The following ZNF493 variants were observed in gnomAD, a reference collection of about 807,000 sequenced individuals.
ZNF493 encodes zinc finger protein 493.
A neutral mutation model predicts 12.2 loss-of-function variants in ZNF493; 11 were observed. The observed-to-expected ratio is 0.90, with a 90% CI of 0.57 to 1.50. ZNF493 has a LOEUF of 1.50. Ranked by LOEUF, ZNF493 falls within the 40% of genes most tolerant of loss-of-function variation. The pLI is 0.00. For synonymous variants in ZNF493, 286 were observed against 302.6 expected, an observed-to-expected ratio of 0.95 and a Z score of 0.57; for missense variants, 950 against 906.6, an observed-to-expected ratio of 1.05 and a Z score of -0.61.
chr19:21,397,683 A>C (rs1974195195), intron 1 of ZNF493: 2 of 427,138 alleles, frequency 4.7e-6, no homozygotes. Context: ...CGTCACTGCA[A>C]AAATATTAAA....
chr19:21,405,872 T>C lies in ZNF493; in HGVS notation c.253+16T>C. 2 of 707,602 alleles carry C rather than the reference T, an allele frequency of 2.8e-6. No individual in the cohort carries two copies. Among genetic ancestry groups the C allele is most frequent in the Non-Finnish European group, 4.0e-6 (2 of 496,014 alleles). The allele number at this position is 707,602 out of a possible 1,614,324, so 43.8% of individuals were successfully genotyped here. ...AAACCCCCAGGTAGGTGAGAGTGAATGAAACAGTTGACATAGATGAAAGGT... is the reference window on the plus strand; with the variant it reads ...AAACCCCCAGGTAGGTGAGAGTGAACGAAACAGTTGACATAGATGAAAGGT... On this transcript the variant is annotated intron_variant, in intron 3 of 3. Transcript: ENST00000392288.
intron 1 of ZNF493, among the ~76,000 whole-genome samples, chr19:21,404,793 T>C (rs2030059043): frequency 6.6e-6 from 1 of 152,192 alleles, no homozygotes. Flanking sequence ...ACTCAACATA[T>C]CTTTTGTCTG....
chr19:21,400,377 T>A lies in ZNF493; in HGVS notation c.30+3110T>A, dbSNP rs202063458. On this transcript the variant is annotated intron_variant, in intron 1 of 3. Coordinates refer to ENST00000392288, the MANE Select transcript of ZNF493 (RefSeq NM_001076678.3). ...GTGAGCCAAGATTGTACCACTGTAC[T>A]CTGGCCTGGTGACAGAGAGAGACTC... Among the ~76,000 whole-genome samples, 31 of 152,216 alleles carry A rather than the reference T, an allele frequency of 2.0e-4. No homozygotes were observed. In the East Asian group the frequency reaches 2.3e-3, roughly 11 times the overall value.
At chr19:21,418,304 A>C (rs186515015) in intron 3 of ZNF493, among the ~76,000 whole-genome samples, 3 of 152,182 alleles carry the variant, frequency 2.0e-5, no homozygotes, top group Non-Finnish European at 2.9e-5. Flanking sequence ...CTGTTACTTC[A>C]TTACACTCTC....
chr19:21,397,293 G>T, intron 1 of ZNF493, 26 bp downstream of exon 1: 3 of 1,614,116 alleles, frequency 1.9e-6, no homozygotes, highest in Non-Finnish European at 1.7e-6. Context: ...CCGACATCAC[G>T]AGAGAGGGGA....
chr19:21,423,200 C>T lies in ZNF493; in HGVS notation c.541C>T (p.Pro181Ser), dbSNP rs1289432049. 17 of 1,613,564 alleles carry T rather than the reference C, an allele frequency of 1.1e-5. No individual in the cohort carries two copies. In the East Asian group the frequency reaches 3.6e-4, roughly 34 times the overall value. The change falls in exon 4 of 4, where the codon CCT (proline) becomes TCT (serine). Residue 181 changes from proline to serine, a missense_variant. Physicochemically the swap from Pro to Ser is moderately conservative, Grantham distance 74. Coordinates refer to ENST00000392288, the MANE Select transcript of ZNF493 (RefSeq NM_001076678.3). ...RHNTKHTGKK[P>S]FKCKKCGKSF... ...TAACACAAAACATACTGGAAAGAAA[C>T]CTTTCAAATGTAAAAAATGTGGCAA...
chr19:21,421,444 C>A (rs2030676125), intron 3 of ZNF493, among the ~76,000 whole-genome samples: 1 of 152,132 alleles, frequency 6.6e-6, no homozygotes, highest in Non-Finnish European at 1.5e-5. Flanking sequence ...CCACCCACCA[C>A]AACTTCCACC....
chr19:21,408,321 G>C (rs1440413410), intron 3 of ZNF493: 1 of 636,598 alleles, frequency 1.6e-6, no homozygotes, highest in African/African-American at 2.0e-5. Context: ...TGGAGACGGG[G>C]TTTCACCATG....
In ZNF493 at chr19:21,423,417, C is replaced by G. The variant is rs1024059692; in HGVS notation, c.758C>G (p.Thr253Ser). 3 of 1,613,628 alleles carry G rather than the reference C, an allele frequency of 1.9e-6. No homozygotes were observed. Among genetic ancestry groups the G allele is most frequent in the Non-Finnish European group, 8.5e-7 (1 of 1,179,812 alleles). The change falls in exon 4 of 4, where the codon ACT (threonine) becomes AGT (serine). Residue 253 changes from threonine (T) to serine (S), a missense_variant. Transcript: ENST00000392288. ...TCTTTTAACCAGGACTCAAACCTTA[C>G]TACACATAAGAGAATTCATACTGGA... ...GKSFNQDSNL[T>S]THKRIHTGQK... is the part of the protein sequence containing the mutation.
intron 3 of ZNF493, 111 bp downstream of exon 3, chr19:21,405,967 T>A: frequency 1.3e-6 from 1 of 777,598 alleles, no homozygotes; most frequent in Non-Finnish European, 1.9e-6. Flanking sequence ...ATGCCTGTAG[T>A]CCCAGGACTT....
In ZNF493 at chr19:21,424,688, A is replaced by T. The variant is rs1365209826; in HGVS notation, c.2029A>T (p.Ile677Leu). 1 of 1,613,666 alleles carries T rather than the reference A, an allele frequency of 6.2e-7. No homozygotes were observed. The highest frequency in any genetic ancestry group is 8.5e-7 in the Non-Finnish European group (1 of 1,179,734). The change falls in exon 4 of 4, where the codon ATA becomes TTA. Residue 677 changes from isoleucine to leucine, a missense_variant. Physicochemically the swap from Ile to Leu is conservative, Grantham distance 5. Coordinates refer to ENST00000392288, the MANE Select transcript of ZNF493 (RefSeq NM_001076678.3). ...SIFSTLTKHK[I>L]IHTEEKPYKC... The stretch of plus-strand genomic sequence containing the variant: ...ATTCTCAACCCTTACTAAACATAAG[A>T]TAATTCATACTGAAGAGAAACCCTA...
chr19:21,408,383 G>A (rs2030207707), intron 3 of ZNF493: 7 of 957,540 alleles, frequency 7.3e-6, no homozygotes, highest in Non-Finnish European at 8.7e-6. Context: ...ACCCGCCTTG[G>A]CCTCCTGGGT....
At chr19:21,419,559 C>A (rs1209434190) in intron 3 of ZNF493, among the ~76,000 whole-genome samples, 1 of 152,088 alleles carries the variant, frequency 6.6e-6, no homozygotes, top group Non-Finnish European at 1.5e-5. Context: ...GCCAATGTAA[C>A]CTTTTCACAT....
At chr19:21,405,918 A>T in intron 3 of ZNF493, 62 bp downstream of exon 3, 1 of 1,278,750 alleles carries the variant, frequency 7.8e-7, no homozygotes, top group Admixed American at 2.5e-5. Flanking sequence ...AAAAAAAAAA[A>T]AAAAAAAAAA....
chr19:21,424,413 T>C lies in ZNF493; in HGVS notation c.1754T>C (p.Phe585Ser), dbSNP rs1158552771. The change falls in exon 4 of 4, where the codon TTC (phenylalanine) becomes TCC (serine). Residue 585 changes from phenylalanine to serine, a missense_variant. Transcript: ENST00000392288. Reference protein sequence around the residue: ...CKECGKSFSVFSTLTKHKIIH... With the variant: ...CKECGKSFSVSSTLTKHKIIH... ...GAATGTGGCAAATCCTTTAGTGTAT[T>C]CTCAACCCTTACTAAACACAAGATA... 6.2e-7 allele frequency: 1 copy of C among 1,608,476 alleles called. No homozygotes were observed. The highest frequency in any genetic ancestry group is 2.2e-5 in the East Asian group (1 of 44,544).
chr19:21,403,317 TC>T (rs1475148532), intron 1 of ZNF493, among the ~76,000 whole-genome samples: 1 of 152,234 alleles, frequency 6.6e-6, no homozygotes, highest in Non-Finnish European at 1.5e-5. Context: ...CAGGAACTGT[TC>T]CGTTTGGTTT....
chr19:21,404,581 G>T (rs112867834), intron 1 of ZNF493, among the ~76,000 whole-genome samples: 1 of 152,110 alleles, frequency 6.6e-6, no homozygotes, highest in Non-Finnish European at 1.5e-5. Context: ...TGTTTACAGG[G>T]CAGAAAAATT....
intron 3 of ZNF493, among the ~76,000 whole-genome samples, chr19:21,419,675 A>T (rs929314200): frequency 8.5e-5 from 13 of 152,080 alleles, no homozygotes; most frequent in African/African-American, 2.9e-4. Flanking sequence ...TCAAATGTTA[A>T]TCTCCCTTGG....
chr19:21,412,049 C>T lies in ZNF493; in HGVS notation c.253+6193C>T, dbSNP rs2030343105. On this transcript the variant is annotated intron_variant, in intron 3 of 3. Coordinates refer to ENST00000392288, the MANE Select transcript of ZNF493 (RefSeq NM_001076678.3). ...GCCGAGACCAGCTCAGTCGGGGAGACCCTAACCCAACGGTGCTAGAGGAAT... is the reference window on the plus strand; with the variant it reads ...GCCGAGACCAGCTCAGTCGGGGAGATCCTAACCCAACGGTGCTAGAGGAAT... 4 of 152,062 alleles carry T rather than the reference C, an allele frequency of 2.6e-5. No individual in the cohort carries two copies. The South Asian group carries it at 8.3e-4, about 32-fold the overall frequency. 9.4% of individuals were successfully genotyped at this position (152,062 alleles called of 1,614,324 possible).
Sources: allele counts gnomAD v4.1 joint callset (sites outside exome capture counted in the v4.1 genomes callset), GRCh38; gene constraint gnomAD v4.1.1; transcripts MANE v1.5; gene names NCBI Gene and HGNC (gene_info 2026-07-23, HGNC 2026-07-21).